The following DPP6 variants were observed in gnomAD, a reference collection of about 807,000 sequenced individuals.
The protein encoded by DPP6 is A-type potassium channel modulatory protein DPP6.
DPP6 carries 69 observed loss-of-function variants against 122.6 expected under a neutral mutation model. The ratio of observed to expected loss-of-function variants is 0.56; its 90% CI spans 0.46 to 0.69. The LOEUF is 0.69. Among genes scored for constraint, DPP6 ranks in the 30% least tolerant of loss-of-function variants. The pLI, the probability that DPP6 is intolerant of heterozygous loss-of-function variation, is 0.00. For synonymous variants in DPP6, 418 were observed against 433.1 expected, an observed-to-expected ratio of 0.97 and a Z score of 0.43; for missense variants, 928 against 1,116.9, an observed-to-expected ratio of 0.83 and a Z score of 2.41.
intron 1 of DPP6, among the ~76,000 whole-genome samples, chr7:154,032,105 A>AT (rs1799273696): frequency 6.7e-6 from 1 of 149,628 alleles, no homozygotes. Flanking sequence ...CGATCTCCTG[A>AT]CCTTGTGATC....
chr7:154,649,776 G>A (rs1836751785), intron 6 of DPP6, among the ~76,000 whole-genome samples: 1 of 152,170 alleles, frequency 6.6e-6, no homozygotes, highest in African/African-American at 2.4e-5. Flanking sequence ...ATCTCTCTGT[G>A]GAACTTTCTA....
chr7:153,777,054 C>A, the DPP6 span, among the ~76,000 whole-genome samples: 1 of 152,056 alleles, frequency 6.6e-6, no homozygotes, highest in Non-Finnish European at 1.5e-5. Context: ...AATGACCAAC[C>A]CAGTCAACAA....
intron 1 of DPP6, among the ~76,000 whole-genome samples, chr7:154,425,537 A>G (rs1382416290): frequency 6.6e-6 from 1 of 151,640 alleles, no homozygotes; most frequent in Non-Finnish European, 1.5e-5. Context: ...TGATACATGC[A>G]GGAGTGTGGT....
intron 1 of DPP6, among the ~76,000 whole-genome samples, chr7:154,081,451 A>G (rs1469555514): frequency 3.2e-5 from 4 of 124,620 alleles, no homozygotes; most frequent in East Asian, 4.5e-4. Flanking sequence ...AACAACAGAC[A>G]TACACTACCA....
rs1797863597 is a variant in DPP6, at chr7:154,005,255, T to G, written c.51+117521T>G. Among the ~76,000 whole-genome samples, 2 of 152,220 alleles carry G rather than the reference T, an allele frequency of 1.3e-5. 1 individual carries two copies. Among genetic ancestry groups the G allele is most frequent in the South Asian group, 4.1e-4 (2 of 4,830 alleles). Reference sequence around the variant, plus strand: ...ACTAATTTGCTCTAGCCTTATGGAATAGCCTGGAATGGCTGCCTGGGCCAT... The same window carrying G: ...ACTAATTTGCTCTAGCCTTATGGAAGAGCCTGGAATGGCTGCCTGGGCCAT... On this transcript the variant is annotated intron_variant, in intron 1 of 25. Coordinates refer to the DPP6 transcript ENST00000404039.
intron 1 of DPP6, among the ~76,000 whole-genome samples, chr7:153,964,999 T>TTCCTTCCTTC (rs1563055951): frequency 0.011 from 706 of 62,456 alleles, 62 homozygotes; most frequent in African/African-American, 0.044. Flanking sequence ...TTCCTTCCTT[T>TTCCTTCCTTC]CTTCCTTCCT....
the DPP6 span, among the ~76,000 whole-genome samples, chr7:153,812,568 G>A: frequency 1.3e-5 from 2 of 151,984 alleles, no homozygotes; most frequent in African/African-American, 4.8e-5. Flanking sequence ...AGCTCTGATT[G>A]GAATAGGAAA....
chr7:153,759,409 C>G, the DPP6 span, among the ~76,000 whole-genome samples: 1 of 152,026 alleles, frequency 6.6e-6, no homozygotes, highest in Non-Finnish European at 1.5e-5. Flanking sequence ...ACTTCCACCT[C>G]CTGGGCTCAA....
At position 154,180,212 on chromosome 7, in the gene DPP6, G is replaced by T. The variant is rs565050724; in HGVS notation, c.243+127149G>T. 1.9e-4 allele frequency among the ~76,000 whole-genome samples: 29 copies of T among 151,830 alleles called. No homozygotes were observed. In the East Asian group the frequency reaches 5.6e-3, roughly 29 times the overall value. On this transcript the variant is annotated intron_variant, in intron 1 of 25. Transcript: ENST00000377770. ...AAAACACAAAAATTAGCCAGGCATG[G>T]TAGTGCGCACCTATAATCTCAGCTA...
intron 1 of DPP6, among the ~76,000 whole-genome samples, chr7:154,271,544 TC>T (rs1803794648): frequency 6.6e-6 from 1 of 152,066 alleles, no homozygotes; most frequent in South Asian, 2.1e-4. Flanking sequence ...ACAGCACAAT[TC>T]CCTCCATCTT....
chr7:154,224,159 T>C (rs1800462797), intron 1 of DPP6, among the ~76,000 whole-genome samples: 1 of 148,230 alleles, frequency 6.7e-6, no homozygotes, highest in African/African-American at 2.6e-5. Flanking sequence ...TGAACCATGA[T>C]GGTGATGGTT....
In DPP6 at chr7:154,885,477, T is replaced by C. The variant is rs373442682; in HGVS notation, c.2134-156T>C. The C allele has an allele frequency of 1.9e-5, 20 of 1,038,894 alleles. No homozygotes were observed. In the East Asian group the frequency reaches 3.5e-4, roughly 18 times the overall value. 64.4% of individuals were successfully genotyped at this position (1,038,894 alleles called of 1,614,324 possible). ...AAGGGAGTTTGCTTTTCATCTCTTG[T>C]TACTGCCCCGTGAACAACTTTCCAA... On this transcript the variant is annotated intron_variant, in intron 21 of 25. Transcript: ENST00000377770.
the DPP6 span, among the ~76,000 whole-genome samples, chr7:153,782,142 G>A: frequency 1.3e-5 from 2 of 152,054 alleles, no homozygotes; most frequent in South Asian, 4.2e-4. Context: ...TTTAACCCCA[G>A]CCCCATCTTT....
At chr7:153,988,171 G>C (rs559063267) in intron 1 of DPP6, among the ~76,000 whole-genome samples, 8 of 152,182 alleles carry the variant, frequency 5.3e-5, no homozygotes, top group Admixed American at 2.0e-4. Context: ...TGACGGAGGA[G>C]GGAGGGAGGG....
chr7:154,407,185 C>T (rs1816187321), intron 1 of DPP6, among the ~76,000 whole-genome samples: 1 of 152,218 alleles, frequency 6.6e-6, no homozygotes, highest in Non-Finnish European at 1.5e-5. Flanking sequence ...ACCTCCTCTT[C>T]CAACTAGAAT....
intron 16 of DPP6, among the ~76,000 whole-genome samples, chr7:154,819,872 T>C (rs1314546613): frequency 1.3e-5 from 2 of 152,152 alleles, no homozygotes; most frequent in Non-Finnish European, 2.9e-5. Context: ...AAAAAGAAGT[T>C]TGTTTTTTTA....
chr7:153,994,008 G>A (rs1797317897), intron 1 of DPP6, among the ~76,000 whole-genome samples: 1 of 152,214 alleles, frequency 6.6e-6, no homozygotes, highest in Non-Finnish European at 1.5e-5. Context: ...GGATCAATAA[G>A]CTAATATTAT....
At chr7:154,728,763 C>T (rs1842193151) in intron 8 of DPP6, among the ~76,000 whole-genome samples, 1 of 152,234 alleles carries the variant, frequency 6.6e-6, no homozygotes, top group African/African-American at 2.4e-5. Flanking sequence ...CTCCTCCTCA[C>T]TTGTACATGG....
intron 5 of DPP6, among the ~76,000 whole-genome samples, chr7:154,627,400 A>G (rs11977558): frequency 1.3e-5 from 2 of 150,634 alleles, no homozygotes; most frequent in East Asian, 2.0e-4. Flanking sequence ...GGGTTTCACC[A>G]TGTTGGCCAG....
Sources: gnomAD v4.1 joint callset for allele counts (sites outside exome capture counted in the v4.1 genomes callset) on GRCh38, gnomAD v4.1.1 for gene constraint, MANE v1.5 for transcripts, NCBI Gene and HGNC (gene_info 2026-07-23, HGNC 2026-07-21) for gene names.